NGF: variants seen among roughly 807,000 people sequenced by gnomAD.
NGF encodes beta-nerve growth factor.
NGF carries 4 observed loss-of-function variants against 12.8 expected under a neutral mutation model. The ratio of observed to expected loss-of-function variants is 0.31; its 90% confidence interval spans 0.15 to 0.72. NGF has a LOEUF of 0.72. Ranked by LOEUF, NGF falls within the 30% of genes least tolerant of loss-of-function variation. NGF has a pLI of 0.69. For synonymous variants in NGF, 140 were observed against 130.0 expected (o/e 1.08, Z -0.52); for missense variants, 283 against 330.8 (o/e 0.86, Z 1.12).
chr1:115,286,971 G>A (rs1310737970), intron 2 of NGF, among the ~76,000 whole-genome samples, 164 bp from the exon 3 acceptor site: 1 of 152,092 alleles, frequency 6.6e-6, no homozygotes, highest in East Asian at 1.9e-4. Flanking sequence ...TGGTTATACC[G>A]GGACAACAGG....
intron 1 of NGF, among the ~76,000 whole-genome samples, chr1:115,324,276 A>G (rs955143691): frequency 2.0e-5 from 3 of 152,144 alleles, no homozygotes; most frequent in African/African-American, 7.2e-5. Flanking sequence ...CATGTTTCTC[A>G]TGTGGTACCG....
At chr1:115,329,591 A>T (rs1409371589) in intron 1 of NGF, among the ~76,000 whole-genome samples, 1 of 152,182 alleles carries the variant, frequency 6.6e-6, no homozygotes, top group Non-Finnish European at 1.5e-5. Flanking sequence ...AGTACAACTA[A>T]AACAAAAGTT....
At chr1:115,291,682 A>G (rs1402832326) in intron 2 of NGF, among the ~76,000 whole-genome samples, 2 of 152,158 alleles carry the variant, frequency 1.3e-5, no homozygotes, top group East Asian at 1.9e-4. Flanking sequence ...TGGATTTCCA[A>G]TGGTTCACAC....
intron 2 of NGF, among the ~76,000 whole-genome samples, chr1:115,288,370 G>C (rs116194596): frequency 2.0e-5 from 3 of 152,166 alleles, no homozygotes; most frequent in African/African-American, 7.2e-5. Flanking sequence ...CCCATTGATC[G>C]GAGGTGGGCA....
intron 1 of NGF, among the ~76,000 whole-genome samples, chr1:115,294,245 T>C (rs1299383468): frequency 6.6e-6 from 1 of 152,152 alleles, no homozygotes; most frequent in Non-Finnish European, 1.5e-5. Context: ...AGACTGACCA[T>C]TTGAGAGAGA....
chr1:115,288,568 C>T (rs1330761165), intron 2 of NGF, among the ~76,000 whole-genome samples: 1 of 152,124 alleles, frequency 6.6e-6, no homozygotes, highest in African/African-American at 2.4e-5. Context: ...GTGAGATACT[C>T]GAGGGTGGAG....
At chr1:115,296,276 A>AC (rs1385758792) in intron 1 of NGF, among the ~76,000 whole-genome samples, 1 of 152,178 alleles carries the variant, frequency 6.6e-6, no homozygotes, top group Non-Finnish European at 1.5e-5. Context: ...GACTTGCAGT[A>AC]CCCACTTCTG....
rs561812677 is a variant in NGF, at chr1:115,337,247, A to AT, written c.-137+956dup. 2.5e-4 allele frequency among the ~76,000 whole-genome samples: 22 copies of AT among 88,012 alleles called. No individual in the cohort carries two copies. The South Asian group carries it at 6.0e-3, about 24-fold the overall frequency. 57.7% of individuals were successfully genotyped at this position (88,012 alleles called of 152,430 possible). On this transcript the variant is annotated intron_variant, in intron 1 of 2. Transcript: ENST00000369512. ...AAACACCTTCCTTAAGAATCTCGAA[A>AT]TTTTTTTTGTTTTGTTTTTGTTTTT...
chr1:115,286,997 ACT>A (rs1410796631), intron 2 of NGF, among the ~76,000 whole-genome samples, 190 bp from the exon 3 acceptor site: 4 of 152,248 alleles, frequency 2.6e-5, no homozygotes, highest in African/African-American at 9.6e-5. Flanking sequence ...CCCGGGGCTG[ACT>A]CAGGCAGTAT....
rs540624478 is a variant in NGF at position 115,315,787 on chromosome 1, C to T, written c.-136-22037G>A. 3.9e-5 allele frequency among the ~76,000 whole-genome samples: 6 copies of T among 152,220 alleles called. No homozygotes were observed. The South Asian group carries it at 8.3e-4, about 21-fold the overall frequency. ...GCATAGGGAGTACGAAGAACGAGCT[C>T]GCTGAGGTTCATTACGTGATTCGAC... On this transcript the variant is annotated intron_variant, in intron 1 of 2. Coordinates refer to ENST00000369512, the MANE Select transcript of NGF (RefSeq NM_002506.3).
chr1:115,294,348 T>TA, intron 1 of NGF, among the ~76,000 whole-genome samples: 1 of 152,212 alleles, frequency 6.6e-6, no homozygotes, highest in Non-Finnish European at 1.5e-5. Context: ...GATACAATTT[T>TA]AAAAAATCAA....
chr1:115,320,070 G>T (rs1654576583), intron 1 of NGF, among the ~76,000 whole-genome samples: 1 of 152,170 alleles, frequency 6.6e-6, no homozygotes, highest in Admixed American at 6.5e-5. Flanking sequence ...CAAGTCACTT[G>T]TTGACAGTGC....
chr1:115,316,073 C>T (rs947000082), intron 1 of NGF, among the ~76,000 whole-genome samples: 3 of 152,092 alleles, frequency 2.0e-5, no homozygotes, highest in African/African-American at 4.8e-5. Flanking sequence ...AAGGCAATAG[C>T]GGGAGTCAAT....
intron 1 of NGF, among the ~76,000 whole-genome samples, chr1:115,297,996 G>A (rs1653921825): frequency 1.3e-5 from 2 of 152,186 alleles, no homozygotes; most frequent in South Asian, 4.1e-4. Context: ...TTTTTGATAA[G>A]CTAGTAATTA....
At chr1:115,311,606 G>T (rs972478547) in intron 1 of NGF, among the ~76,000 whole-genome samples, 13 of 152,262 alleles carry the variant, frequency 8.5e-5, no homozygotes, top group African/African-American at 3.1e-4. Flanking sequence ...AGAATCATCT[G>T]GCCCAATATG....
At chr1:115,334,269 G>A (rs144186069) in intron 1 of NGF, among the ~76,000 whole-genome samples, 128 of 152,222 alleles carry the variant, frequency 8.4e-4, no homozygotes, top group African/African-American at 2.9e-3. Context: ...TCTGCTTCAG[G>A]GAAGGAACCT....
chr1:115,305,490 C>T (rs112467006), intron 1 of NGF, among the ~76,000 whole-genome samples: 4,112 of 152,248 alleles, frequency 0.027, 184 homozygotes, highest in African/African-American at 0.094. Flanking sequence ...TGTTGATTTC[C>T]GCTTCCATGA....
intron 1 of NGF, among the ~76,000 whole-genome samples, chr1:115,306,047 A>G (rs1654194618): frequency 2.0e-5 from 3 of 152,244 alleles, no homozygotes; most frequent in Admixed American, 2.0e-4. Context: ...CAAATATAAT[A>G]TCTTTGTTGA....
chr1:115,324,504 G>A (rs757841564), intron 1 of NGF, among the ~76,000 whole-genome samples: 1 of 152,008 alleles, frequency 6.6e-6, no homozygotes, highest in Non-Finnish European at 1.5e-5. Context: ...GCCAACCTGA[G>A]CTTCGGCTTC....
Sources: allele counts gnomAD v4.1 joint callset (sites outside exome capture counted in the v4.1 genomes callset), GRCh38; gene constraint gnomAD v4.1.1; transcripts MANE v1.5; gene names NCBI Gene and HGNC (gene_info 2026-07-23, HGNC 2026-07-21).